SPIRE1: variants seen among roughly 807,000 people sequenced by gnomAD.
SPIRE1 encodes the protein spire type actin nucleation factor 1, also known as protein spire homolog 1.
A neutral mutation model predicts 94.1 loss-of-function variants in SPIRE1; 40 were observed. The observed-to-expected ratio is 0.43, with a 90% CI of 0.33 to 0.55. The LOEUF is 0.55. Ranked by LOEUF, SPIRE1 falls within the 20% of genes least tolerant of loss-of-function variation. SPIRE1 has a pLI of 0.06. For missense variants in SPIRE1, 838 were observed against 975.2 expected (o/e 0.86, Z 1.87); for synonymous variants, 376 against 371.7 (o/e 1.01, Z -0.13).
chr18:12,613,987 G>A (rs1160768527), intron 2 of SPIRE1, among the ~76,000 whole-genome samples: 9 of 150,784 alleles, frequency 6.0e-5, no homozygotes, highest in Non-Finnish European at 1.2e-4. Flanking sequence ...GGGCAAGCAC[G>A]GTGGCACACA....
rs1199388428 is a variant in SPIRE1, at chr18:12,559,622, G to C, written c.373-12718C>G. ...GAGGTGCCAAGAGCGAGCGAGGGCTGCTAGCACGTTGTCACCTCTCACTAC... is the reference window on the plus strand; with the variant it reads ...GAGGTGCCAAGAGCGAGCGAGGGCTCCTAGCACGTTGTCACCTCTCACTAC... On this transcript the variant is annotated intron_variant, in intron 2 of 16. Coordinates refer to ENST00000409402, the MANE Select transcript of SPIRE1 (RefSeq NM_001128626.2). This position sits in a 1 kb window ranked among gnomAD's most constrained non-coding sequence, Gnocchi z 4.7. 6.6e-6 allele frequency among the ~76,000 whole-genome samples: 1 copy of C among 152,188 alleles called. No homozygotes were observed. Among genetic ancestry groups the C allele is most frequent in the Non-Finnish European group, 1.5e-5 (1 of 68,036 alleles).
intron 2 of SPIRE1, among the ~76,000 whole-genome samples, chr18:12,612,350 G>A (rs962735959): frequency 4.6e-5 from 7 of 152,064 alleles, no homozygotes; most frequent in Non-Finnish European, 7.4e-5. Flanking sequence ...TTGTGGCCAC[G>A]CCTTCTTAGG....
At chr18:12,572,632 TA>T (rs1365086751) in intron 2 of SPIRE1, among the ~76,000 whole-genome samples, 1 of 152,026 alleles carries the variant, frequency 6.6e-6, no homozygotes, top group East Asian at 1.9e-4. Flanking sequence ...AAAAAATTGT[TA>T]AAAAAATTTT....
intron 3 of SPIRE1, among the ~76,000 whole-genome samples, chr18:12,535,816 G>A (rs547504417): frequency 3.9e-5 from 6 of 152,070 alleles, no homozygotes; most frequent in East Asian, 1.9e-4. Flanking sequence ...TTAGTTGGGC[G>A]TGGTGGCACA....
Position 12,559,859 on chromosome 18 carries a change from A to G in SPIRE1, c.373-12955T>C, listed in dbSNP as rs1449067974. Reference sequence around the variant, plus strand: ...GCAAACTGTCCATCTGACAAGGGGTAATAACCACAATATATAAGGACCTCA... The same window carrying G: ...GCAAACTGTCCATCTGACAAGGGGTGATAACCACAATATATAAGGACCTCA... On this transcript the variant is annotated intron_variant, in intron 2 of 16. Transcript: ENST00000409402. The surrounding 1 kb of genome is among the most constrained non-coding windows in gnomAD (Gnocchi z 4.7). 6.6e-6 allele frequency among the ~76,000 whole-genome samples: 1 copy of G among 152,228 alleles called. No individual in the cohort carries two copies. The highest frequency in any genetic ancestry group is 1.5e-5 in the Non-Finnish European group (1 of 68,034).
intron 8 of SPIRE1, among the ~76,000 whole-genome samples, chr18:12,488,380 G>A (rs1166396527): frequency 6.6e-6 from 1 of 152,162 alleles, no homozygotes; most frequent in African/African-American, 2.4e-5. Context: ...GCCCAGTGGG[G>A]AGGGCCTTTG....
chr18:12,511,305 T>C (rs1244184004), intron 5 of SPIRE1, among the ~76,000 whole-genome samples: 1 of 152,214 alleles, frequency 6.6e-6, no homozygotes, highest in East Asian at 1.9e-4. Context: ...GCAAGCGTTA[T>C]GCCTGAGCTC....
At chr18:12,607,575 G>A (rs1452558976) in intron 2 of SPIRE1, among the ~76,000 whole-genome samples, 1 of 147,088 alleles carries the variant, frequency 6.8e-6, no homozygotes, top group Non-Finnish European at 1.5e-5. Flanking sequence ...TCCACCTTTA[G>A]GGTTTTCTAC....
intron 2 of SPIRE1, among the ~76,000 whole-genome samples, chr18:12,554,854 C>A (rs1838147026): frequency 6.6e-6 from 1 of 152,178 alleles, no homozygotes; most frequent in Non-Finnish European, 1.5e-5. Context: ...GAAATTGATT[C>A]TCCCAGTCTT....
chr18:12,591,527 T>C (rs972865500), intron 2 of SPIRE1, among the ~76,000 whole-genome samples: 18 of 152,102 alleles, frequency 1.2e-4, no homozygotes, highest in Admixed American at 5.9e-4. Flanking sequence ...GAATAGACTC[T>C]AGTAGAGTAA....
chr18:12,457,453 GCGGGAGCCC>G (rs2031562872), intron 12 of SPIRE1, among the ~76,000 whole-genome samples: 1 of 112,834 alleles, frequency 8.9e-6, no homozygotes. Context: ...CCCAGCTAGA[GCGGGAGCCC>G]TTCCCCACCA....
At chr18:12,515,351 C>T (rs891414579) in intron 4 of SPIRE1, among the ~76,000 whole-genome samples, 1 of 151,506 alleles carries the variant, frequency 6.6e-6, no homozygotes, top group Non-Finnish European at 1.5e-5. Flanking sequence ...CCTGTCTCTC[C>T]AAAAAAACCA....
intron 9 of SPIRE1, 72 bp from the exon 10 acceptor site, chr18:12,479,943 ACAGAGCATTT>A (rs2032779868): frequency 3.5e-6 from 5 of 1,439,638 alleles, no homozygotes; most frequent in Non-Finnish European, 3.8e-6. Flanking sequence ...ATACCAGGTA[ACAGAGCATTT>A]CATACAAAAA....
At chr18:12,492,269 A>C (rs918134705) in intron 8 of SPIRE1, among the ~76,000 whole-genome samples, 2 of 152,142 alleles carry the variant, frequency 1.3e-5, no homozygotes, top group African/African-American at 4.8e-5. Flanking sequence ...GGGTCACAAA[A>C]CCAGATCCTT....
chr18:12,552,048 G>T (rs1263580876), intron 2 of SPIRE1, among the ~76,000 whole-genome samples: 3 of 152,190 alleles, frequency 2.0e-5, no homozygotes, highest in Non-Finnish European at 4.4e-5. Flanking sequence ...AAAGTAAATC[G>T]GGCTGAGGCC....
intron 3 of SPIRE1, among the ~76,000 whole-genome samples, chr18:12,543,056 G>A (rs557306107): frequency 6.6e-6 from 1 of 152,268 alleles, no homozygotes; most frequent in Non-Finnish European, 1.5e-5. Context: ...GTGAACTCCT[G>A]ACCTCAAATG....
intron 10 of SPIRE1, among the ~76,000 whole-genome samples, chr18:12,467,406 T>C (rs2032158927): frequency 6.6e-6 from 1 of 152,246 alleles, no homozygotes; most frequent in South Asian, 2.1e-4. Flanking sequence ...AGGTCAGTCA[T>C]AGTAATCTCC....
chr18:12,459,379 C>T (rs975963688), intron 12 of SPIRE1, among the ~76,000 whole-genome samples: 11 of 152,140 alleles, frequency 7.2e-5, no homozygotes, highest in East Asian at 1.9e-4. Context: ...GCTCTGCTCA[C>T]GGAATGAGTG....
intron 10 of SPIRE1, among the ~76,000 whole-genome samples, chr18:12,476,541 C>CA (rs558968043): frequency 4.4e-3 from 207 of 46,768 alleles, no homozygotes; most frequent in Non-Finnish European, 7.7e-3. Flanking sequence ...ACTCTGTCTC[C>CA]AAAAAAAAAA....
Sources: allele counts gnomAD v4.1 joint callset (sites outside exome capture counted in the v4.1 genomes callset), GRCh38; gene constraint gnomAD v4.1.1; non-coding constraint Gnocchi (gnomAD v3.1); transcripts MANE v1.5; gene names NCBI Gene and HGNC (gene_info 2026-07-23, HGNC 2026-07-21).